EXT1: variants seen among roughly 807,000 people sequenced by gnomAD.
EXT1 encodes exostosin glycosyltransferase 1.
A neutral mutation model predicts 82.5 loss-of-function variants in EXT1; 20 were observed. The observed-to-expected ratio is 0.24, with a 90% CI of 0.17 to 0.35. EXT1 has a LOEUF of 0.35. Among genes scored for constraint, EXT1 ranks in the 10% least tolerant of loss-of-function variants. The pLI is 1.00. For missense variants in EXT1, 757 were observed against 936.5 expected, an observed-to-expected ratio of 0.81 and a Z score of 2.50; for synonymous variants, 348 against 350.8, an observed-to-expected ratio of 0.99 and a Z score of 0.09.
chr8:117,887,040 T>C (rs1813158182), intron 1 of EXT1, among the ~76,000 whole-genome samples: 1 of 152,200 alleles, frequency 6.6e-6, no homozygotes, highest in African/African-American at 2.4e-5. Context: ...AAATAAATCA[T>C]AGTAGGCATG....
At chr8:117,895,660 T>C (rs978630342) in intron 1 of EXT1, among the ~76,000 whole-genome samples, 11 of 152,198 alleles carry the variant, frequency 7.2e-5, no homozygotes, top group African/African-American at 2.7e-4. Context: ...ACCAAACTAA[T>C]AGGGACTGGC....
chr8:117,835,502 G>A lies in EXT1; in HGVS notation c.1106C>T (p.Ser369Phe). The A allele has an allele frequency of 6.2e-7, 1 of 1,614,134 alleles. No individual in the cohort carries two copies. The highest frequency in any genetic ancestry group is 8.5e-7 in the Non-Finnish European group (1 of 1,180,016). Reference protein sequence around the residue: ...MLSNGWELPFSEVINWNQAAV... With the variant: ...MLSNGWELPFFEVINWNQAAV... The stretch of plus-strand genomic sequence containing the variant: ...AGCTTGGTTCCAATTAATCACTTCA[G>A]AGAATGGCAACTCCCATCCATTGCT... The change falls in exon 3 of 11, where the codon TCT becomes TTT. Residue 369 changes from serine to phenylalanine, a missense_variant. Ser to Phe is a radical substitution (Grantham distance 155). Coordinates refer to ENST00000378204, the MANE Select transcript of EXT1 (RefSeq NM_000127.3).
intron 1 of EXT1, among the ~76,000 whole-genome samples, chr8:118,045,176 C>T (rs552455624): frequency 6.6e-6 from 1 of 152,196 alleles, no homozygotes; most frequent in African/African-American, 2.4e-5. Flanking sequence ...TGAGTCGAGC[C>T]CAGCGTTAGT....
intron 1 of EXT1, among the ~76,000 whole-genome samples, chr8:118,090,860 A>C (rs1429103233): frequency 6.8e-6 from 1 of 147,458 alleles, no homozygotes; most frequent in Non-Finnish European, 1.5e-5. Flanking sequence ...TGAATCCTGT[A>C]TACACAGGTT....
chr8:118,035,439 GT>G (rs1816401911), intron 1 of EXT1, among the ~76,000 whole-genome samples: 1 of 151,848 alleles, frequency 6.6e-6, no homozygotes, highest in African/African-American at 2.4e-5. Flanking sequence ...CTTTTTAAAA[GT>G]TCAGCATTTT....
At chr8:117,835,229 C>A (rs1812169908) in intron 3 of EXT1, among the ~76,000 whole-genome samples, 1 of 152,190 alleles carries the variant, frequency 6.6e-6, no homozygotes, top group South Asian at 2.1e-4. Flanking sequence ...TTACCTGCAA[C>A]TTCTTTTCAG....
intron 4 of EXT1, among the ~76,000 whole-genome samples, chr8:117,828,539 A>G (rs1812045253): frequency 6.6e-6 from 1 of 152,146 alleles, no homozygotes; most frequent in Admixed American, 6.5e-5. Flanking sequence ...CTGCACTCCA[A>G]AAAGGGAGAA....
intron 1 of EXT1, among the ~76,000 whole-genome samples, chr8:118,016,201 G>T (rs1805006947): frequency 6.6e-6 from 1 of 152,170 alleles, no homozygotes; most frequent in Admixed American, 6.6e-5. Context: ...AGACCAGCCT[G>T]GCCAACATGG....
intron 1 of EXT1, among the ~76,000 whole-genome samples, chr8:117,972,703 T>C (rs1181766495): frequency 5.3e-5 from 8 of 152,126 alleles, no homozygotes; most frequent in Non-Finnish European, 8.8e-5. Flanking sequence ...CAGTTCGGCG[T>C]AGCTGGGGAG....
chr8:118,018,697 T>C (rs1816047398), intron 1 of EXT1, among the ~76,000 whole-genome samples: 2 of 152,200 alleles, frequency 1.3e-5, no homozygotes, highest in African/African-American at 4.8e-5. Context: ...ATTTCGTTAT[T>C]ACTAAGCCCT....
rs1817906706 is a variant in EXT1 at position 118,111,674 on chromosome 8, G to C, written c.-628C>G. On this transcript the variant is annotated 5_prime_UTR_variant, in exon 1 of 11. Transcript: ENST00000378204. Reference sequence around the variant, plus strand: ...TCCTGCGCTCGCGGGGCCGGCCCCCGGGACGCGCGGCGGCCCGGCTGGAGG... The same window carrying C: ...TCCTGCGCTCGCGGGGCCGGCCCCCCGGACGCGCGGCGGCCCGGCTGGAGG... 1 of 318,662 alleles carries C rather than the reference G, an allele frequency of 3.1e-6. No homozygotes were observed. Among genetic ancestry groups the C allele is most frequent in the Non-Finnish European group, 5.7e-6 (1 of 174,978 alleles). 19.7% of individuals were successfully genotyped at this position (318,662 alleles called of 1,614,324 possible).
At chr8:118,015,863 A>T (rs1384943615) in intron 1 of EXT1, among the ~76,000 whole-genome samples, 4 of 152,214 alleles carry the variant, frequency 2.6e-5, no homozygotes, top group African/African-American at 4.8e-5. Flanking sequence ...AAAGAAGAGA[A>T]TGCCATGTGA....
chr8:118,000,926 T>C (rs1371330471), intron 1 of EXT1, among the ~76,000 whole-genome samples: 2 of 152,086 alleles, frequency 1.3e-5, no homozygotes, highest in African/African-American at 4.8e-5. Flanking sequence ...GCCCAACATA[T>C]GCTAGACGAG....
chr8:117,837,798 G>A (rs370338911), intron 1 of EXT1, among the ~76,000 whole-genome samples: 1 of 151,728 alleles, frequency 6.6e-6, no homozygotes, highest in Non-Finnish European at 1.5e-5. Context: ...AGAAAGAGGA[G>A]GTGAGAGAGA....
At position 118,110,540 on chromosome 8, in the gene EXT1, C is replaced by T. The variant is rs1363032686; in HGVS notation, c.507G>A (p.Gln169=). ...DTLDRDQLSP[Q]YVHNLRSKVQ... is the part of the protein sequence containing the mutation. ...CTTTGGATCTCAAATTGTGCACATA[C>T]TGAGGTGACAACTGGTCTCTGTCTA... Residue 169 remains glutamine (Q), a synonymous_variant, in exon 1 of 11, where the codon CAG becomes CAA. Coordinates refer to ENST00000378204, the MANE Select transcript of EXT1 (RefSeq NM_000127.3). The T allele has an allele frequency of 1.2e-6, 2 of 1,614,170 alleles. No homozygotes were observed. The highest frequency in any genetic ancestry group is 2.2e-5 in the South Asian group (2 of 91,088).
At chr8:118,102,785 C>T (rs1402892799) in intron 1 of EXT1, among the ~76,000 whole-genome samples, 1 of 152,126 alleles carries the variant, frequency 6.6e-6, no homozygotes, top group African/African-American at 2.4e-5. Flanking sequence ...ATTATGTATT[C>T]CAATCTTCTG....
At chr8:117,818,245 A>G (rs909509609) in intron 7 of EXT1, among the ~76,000 whole-genome samples, 190 bp downstream of exon 7, 4 of 152,238 alleles carry the variant, frequency 2.6e-5, no homozygotes, top group African/African-American at 9.6e-5. Context: ...AAGAGTTGGT[A>G]TCAAGACCCA....
At chr8:117,996,809 T>A (rs756748909) in intron 1 of EXT1, among the ~76,000 whole-genome samples, 4 of 152,196 alleles carry the variant, frequency 2.6e-5, no homozygotes, top group Admixed American at 2.0e-4. Flanking sequence ...AATGGCTCAT[T>A]GTAACACAAT....
At chr8:118,001,081 T>C (rs1436332739) in intron 1 of EXT1, among the ~76,000 whole-genome samples, 2 of 152,208 alleles carry the variant, frequency 1.3e-5, no homozygotes, top group African/African-American at 4.8e-5. Context: ...TCCTGACAGG[T>C]GAGTAACACA....
Sources: gnomAD v4.1 joint callset for allele counts (sites outside exome capture counted in the v4.1 genomes callset) on GRCh38, gnomAD v4.1.1 for gene constraint, MANE v1.5 for transcripts, NCBI Gene and HGNC (gene_info 2026-07-23, HGNC 2026-07-21) for gene names.